The following SHOX variants were observed in gnomAD, a reference collection of about 807,000 sequenced individuals.
SHOX encodes the protein SHOX homeobox, also known as short stature homeobox protein.
SHOX carries 12 observed loss-of-function variants against 29.6 expected under a neutral mutation model. That is an observed-to-expected ratio of 0.41 (90% CI 0.26 to 0.66). The LOEUF is 0.66. SHOX is among the 30% of genes least tolerant of loss of function. The pLI is 0.35. For synonymous variants in SHOX, 214 were observed against 200.6 expected, an observed-to-expected ratio of 1.07 and a Z score of -0.57; for missense variants, 499 against 437.7, an observed-to-expected ratio of 1.14 and a Z score of -1.25.
chrX:624,791 T>A (rs750248656), intron 1 of SHOX, among the ~76,000 whole-genome samples: 5 of 146,120 alleles, frequency 3.4e-5, no homozygotes, highest in African/African-American at 1.3e-4. Flanking sequence ...TCCTTTTCTT[T>A]TCCAGAAAGC....
At position 631,175 on chromosome X, in the gene SHOX, G is replaced by T. The variant is rs1176231378; in HGVS notation, c.277+1G>T. On this transcript the variant is annotated splice_donor_variant, in intron 1 of 4. Coordinates refer to ENST00000686671, the MANE Select transcript of SHOX (RefSeq NM_000451.4). LOFTEE classifies it high-confidence loss of function. Reference sequence around the variant, plus strand: ...TTCGGCACCGCGAGAGTGGCAGAAGGTAAGTTCCTTTGCGCTCCGGCTCCA... The same window carrying T: ...TTCGGCACCGCGAGAGTGGCAGAAGTTAAGTTCCTTTGCGCTCCGGCTCCA... 1 of 1,612,598 alleles carries T rather than the reference G, an allele frequency of 6.2e-7. No individual in the cohort carries two copies. The highest frequency in any genetic ancestry group is 8.5e-7 in the Non-Finnish European group (1 of 1,179,678).
chrX:624,749 C>CCTTTCTTTCTTTCTTTCTTTCTTTTCTTT (rs2052476589), intron 1 of SHOX: 3 of 22,932 alleles, frequency 1.3e-4, no homozygotes, highest in African/African-American at 6.9e-4. Context: ...TTTCTTTCTT[C>CCTTTCTTTCTTTCTTTCTTTCTTTTCTTT]CTTTCACTTG....
chrX:634,736 C>G lies in SHOX; in HGVS notation c.396C>G (p.Leu132=), dbSNP rs759454668. ...TNFTLEQLNE[L]ERLFDETHYP... Reference sequence around the variant, plus strand: ...TCACGCTGGAGCAGCTGAACGAGCTCGAGCGACTCTTCGACGAGACCCATT... The same window carrying G: ...TCACGCTGGAGCAGCTGAACGAGCTGGAGCGACTCTTCGACGAGACCCATT... The change falls in exon 2 of 5, where the codon CTC becomes CTG. Residue 132 remains leucine (L), a synonymous_variant. Transcript: ENST00000686671. 7 of 1,613,012 alleles carry G rather than the reference C, an allele frequency of 4.3e-6. No homozygotes were observed. Among genetic ancestry groups the G allele is most frequent in the African/African-American group, 1.3e-5 (1 of 75,052 alleles).
At position 634,624 on chromosome X, in the gene SHOX, A is replaced by C. The variant is rs1200647044; in HGVS notation, c.284A>C (p.Tyr95Ser). Residue 95 changes from tyrosine to serine, a missense_variant, in exon 2 of 5, where the codon TAT becomes TCT. Coordinates refer to ENST00000686671, the MANE Select transcript of SHOX (RefSeq NM_000451.4). ...CCCTCCGCTCCCCACGCAGGGATTT[A>C]TGAATGCAAAGAGAAGCGCGAGGAC... ...FGTARVAEGI[Y>S]ECKEKREDVK... 3 of 1,613,654 alleles carry C rather than the reference A, an allele frequency of 1.9e-6. No individual in the cohort carries two copies. The highest frequency in any genetic ancestry group is 1.7e-5 in the Admixed American group (1 of 60,012).
Position 650,792 on chromosome X carries a change from TAAAAAAAAAAAAA to T in SHOX, c.*6171_*6183del, listed in dbSNP as rs1041655715. ...GGCTTTCGGTGGACACGTTTGACAT[TAAAAAAAAAAAAA>T]AAAAAAAAAAAAAACTGGTGCCTAA... is the stretch of plus-strand genomic sequence containing the variant. On this transcript the variant is annotated 3_prime_UTR_variant, in exon 5 of 5. Transcript: ENST00000686671. Among the ~76,000 whole-genome samples, 2 of 50,836 alleles carry T rather than the reference TAAAAAAAAAAAAA, an allele frequency of 3.9e-5. No homozygotes were observed. Among genetic ancestry groups the T allele is most frequent in the African/African-American group, 1.4e-4 (2 of 14,746 alleles). 33.4% of individuals were successfully genotyped at this position (50,836 alleles called of 152,430 possible).
chrX:645,388 G>GTTTTTT lies in SHOX; in HGVS notation c.*753_*754insTTTTTT, dbSNP rs1398738646. On this transcript the variant is annotated 3_prime_UTR_variant, in exon 5 of 5. Coordinates refer to ENST00000686671, the MANE Select transcript of SHOX (RefSeq NM_000451.4). ...TTGGGTCTGGTTTTGTTTTGGATTG[G>GTTTTTT]TATTTTTTTTTTTTTTTTTTTTTTT... 4.0e-4 allele frequency: 31 copies of GTTTTTT among 77,748 alleles called. 2 individuals carry two copies. Among genetic ancestry groups the GTTTTTT allele is most frequent in the African/African-American group, 1.1e-3 (26 of 24,358 alleles). The allele number at this position is 77,748 out of a possible 1,614,324, so 4.8% of individuals were successfully genotyped here.
chrX:635,050 T>C (rs2052720726), intron 2 of SHOX, among the ~76,000 whole-genome samples: 2 of 152,030 alleles, frequency 1.3e-5, no homozygotes, highest in African/African-American at 4.8e-5. Flanking sequence ...AACAAATATA[T>C]ATACATATAT....
intron 2 of SHOX, 145 bp downstream of exon 2, chrX:634,971 T>G: frequency 1.3e-6 from 1 of 786,314 alleles, no homozygotes; most frequent in Non-Finnish European, 2.0e-6. Flanking sequence ...CGGGCTGGGG[T>G]TCCTGGACTT....
upstream of SHOX, among the ~76,000 whole-genome samples, chrX:626,671 GTATC>G (rs2052543641): frequency 4.8e-5 from 4 of 83,414 alleles, no homozygotes; most frequent in Non-Finnish European, 7.4e-5. Context: ...CTCTGTCTCT[GTATC>G]TCTGTCTATC....
chrX:656,327 G>A (rs1257541914), downstream of SHOX, among the ~76,000 whole-genome samples: 18 of 141,016 alleles, frequency 1.3e-4, no homozygotes, highest in African/African-American at 4.3e-4. Context: ...CTGTAATCCC[G>A]GTACTCTGGG....
intron 2 of SHOX, 147 bp from the exon 3 acceptor site, chrX:640,674 C>T (rs1281349000): frequency 3.4e-5 from 27 of 804,358 alleles, no homozygotes; most frequent in Admixed American, 3.0e-4. Flanking sequence ...GACAGAGGGG[C>T]GGTAAGTGTC....
At position 634,724 on chromosome X, in the gene SHOX, G is replaced by A; in HGVS notation, c.384G>A (p.Gln128=). Residue 128 remains glutamine, a synonymous_variant, in exon 2 of 5, where the codon CAG becomes CAA. Transcript: ENST00000686671. ...RRSRTNFTLE[Q]LNELERLFDE... ...GCCGCACCAACTTCACGCTGGAGCA[G>A]CTGAACGAGCTCGAGCGACTCTTCG... 6.2e-7 allele frequency: 1 copy of A among 1,613,500 alleles called. No homozygotes were observed. Among genetic ancestry groups the A allele is most frequent in the East Asian group, 2.2e-5 (1 of 44,876 alleles).
exon 6 of SHOX, chrX:658,965 A>C: frequency 5.5e-6 from 1 of 181,538 alleles, no homozygotes; most frequent in South Asian, 8.7e-5. Flanking sequence ...GGGTTTGACC[A>C]TGTTGGCCAG....
chrX:640,835 C>T lies in SHOX; in HGVS notation c.501C>T (p.Asn167=), dbSNP rs1343007233. 6.2e-7 allele frequency: 1 copy of T among 1,613,730 alleles called. No individual in the cohort carries two copies. The highest frequency in any genetic ancestry group is 1.3e-5 in the African/African-American group (1 of 74,866). Residue 167 remains asparagine (N), a synonymous_variant, in exon 3 of 5, where the codon AAC becomes AAT. Transcript: ENST00000686671. ...SEARVQVWFQ[N]RRAKCRKQEN... is the part of the protein sequence containing the mutation. ...TTCTCCCCAAGGTTTGGTTCCAGAA[C>T]CGGAGAGCCAAGTGCCGCAAACAAG... is the stretch of plus-strand genomic sequence containing the variant.
At chrX:642,763 T>C (rs1306710072) in intron 4 of SHOX, among the ~76,000 whole-genome samples, 1 of 151,840 alleles carries the variant, frequency 6.6e-6, no homozygotes, top group Non-Finnish European at 1.5e-5. Context: ...CTTGGGGACC[T>C]GGTGTCCCGG....
At chrX:624,862 T>TTTCCTTTCTTTCTTTTCTTTC (rs1556451588) in intron 1 of SHOX, among the ~76,000 whole-genome samples, 46 of 76,852 alleles carry the variant, frequency 6.0e-4, no homozygotes, top group African/African-American at 2.1e-3. Flanking sequence ...TCTTTCTTTC[T>TTTCCTTTCTTTCTTTTCTTTC]TTTCTTTCTT....
At chrX:637,686 C>A (rs1166576890) in intron 2 of SHOX, among the ~76,000 whole-genome samples, 1 of 152,074 alleles carries the variant, frequency 6.6e-6, no homozygotes, top group East Asian at 1.9e-4. Flanking sequence ...CAATTAGTTC[C>A]AACACCCACG....
At position 651,441 on chromosome X, in the gene SHOX, G is replaced by C. The variant is rs903276055; in HGVS notation, c.*6805G>C. 9 of 453,218 alleles carry C rather than the reference G, an allele frequency of 2.0e-5. No individual in the cohort carries two copies. Among genetic ancestry groups the C allele is most frequent in the Admixed American group, 1.7e-4 (7 of 42,076 alleles). The allele number at this position is 453,218 out of a possible 1,614,324, so 28.1% of individuals were successfully genotyped here. A position where few individuals can be genotyped will look rare whatever the true frequency, so the allele number is the denominator to read the frequency against. ...AAAAAACCAAAAAAAACCACCCTGAGTTTCTCTGGTGACGCCCTCATTCTC... is the reference window on the plus strand; with the variant it reads ...AAAAAACCAAAAAAAACCACCCTGACTTTCTCTGGTGACGCCCTCATTCTC... On this transcript the variant is annotated 3_prime_UTR_variant, in exon 5 of 5. Coordinates refer to ENST00000686671, the MANE Select transcript of SHOX (RefSeq NM_000451.4).
Position 658,783 on chromosome X carries a change from A to G in SHOX, c.634-2A>G. 2.9e-6 allele frequency: 1 copy of G among 341,388 alleles called. No individual in the cohort carries two copies. The highest frequency in any genetic ancestry group is 5.6e-6 in the Non-Finnish European group (1 of 178,554). 21.1% of individuals were successfully genotyped at this position (341,388 alleles called of 1,614,324 possible). A position where few individuals can be genotyped will look rare whatever the true frequency, so the allele number is the denominator to read the frequency against. The stretch of plus-strand genomic sequence containing the variant: ...CTGCACTTGGCCTTTTTTTTTTTTT[A>G]GATGGAGTTTTGCTCTTGTCGCCCG... On this transcript the variant is annotated splice_acceptor_variant, in intron 5 of 5. Coordinates refer to the SHOX transcript ENST00000334060. LOFTEE classifies it high-confidence loss of function.
Sources: allele counts gnomAD v4.1 joint callset (sites outside exome capture counted in the v4.1 genomes callset), GRCh38; gene constraint gnomAD v4.1.1; transcripts MANE v1.5; gene names NCBI Gene and HGNC (gene_info 2026-07-23, HGNC 2026-07-21).